The following ADCK1 variants were observed in gnomAD, a reference collection of about 807,000 sequenced individuals.
ADCK1 encodes the protein aarF domain-containing protein kinase 1.
A neutral mutation model predicts 52.3 loss-of-function variants in ADCK1; 41 were observed. The observed-to-expected ratio is 0.78, with a 90% confidence interval of 0.61 to 1.02. The LOEUF is 1.02. Among genes scored for constraint, ADCK1 ranks in the 50% least tolerant of loss-of-function variants. ADCK1 has a pLI of 0.00. For missense variants in ADCK1, 658 were observed against 679.5 expected (o/e 0.97, Z 0.35); for synonymous variants, 250 against 274.6 (o/e 0.91, Z 0.89).
intron 2 of ADCK1, among the ~76,000 whole-genome samples, chr14:77,821,811 G>C (rs897151724): frequency 6.8e-6 from 1 of 147,412 alleles, no homozygotes; most frequent in East Asian, 2.0e-4. Context: ...AACCTGGAAG[G>C]CCGAGCCTGC....
chr14:77,826,516 A>G (rs1016383716), intron 3 of ADCK1, among the ~76,000 whole-genome samples: 7 of 152,154 alleles, frequency 4.6e-5, no homozygotes, highest in Admixed American at 2.0e-4. Flanking sequence ...TAGGCAGCCA[A>G]GGTGGTGGGG....
chr14:77,852,907 A>ATTT (rs71303864), intron 3 of ADCK1, among the ~76,000 whole-genome samples: 3 of 28,956 alleles, frequency 1.0e-4, no homozygotes, highest in African/African-American at 6.7e-4. Flanking sequence ...ATATATATAT[A>ATTT]TTTTTTTTTT....
At chr14:77,826,430 C>T (rs575608546) in intron 3 of ADCK1, among the ~76,000 whole-genome samples, 2 of 152,270 alleles carry the variant, frequency 1.3e-5, no homozygotes, top group Admixed American at 1.3e-4. Flanking sequence ...AGGCTGGGAT[C>T]TCAGTGACTC....
Position 77,901,077 on chromosome 14 carries a change from C to T in ADCK1, c.741+1819C>T, listed in dbSNP as rs190220419. 7.1e-3 allele frequency among the ~76,000 whole-genome samples: 1,059 copies of T among 149,174 alleles called. 15 individuals are homozygous for T. Among genetic ancestry groups the T allele is most frequent in the African/African-American group, 0.025 (1,007 of 40,498 alleles). ...TTTTTTTTTTTGAGACAGAGTCTCGCTCTGTTGCCCAGACTGGAGTGCAGT... is the reference window on the plus strand; with the variant it reads ...TTTTTTTTTTTGAGACAGAGTCTCGTTCTGTTGCCCAGACTGGAGTGCAGT... On this transcript the variant is annotated intron_variant, in intron 6 of 10. Coordinates refer to ENST00000238561, the MANE Select transcript of ADCK1 (RefSeq NM_020421.4).
At chr14:77,834,321 C>T (rs1478809192) in intron 3 of ADCK1, among the ~76,000 whole-genome samples, 1 of 152,102 alleles carries the variant, frequency 6.6e-6, no homozygotes, top group Non-Finnish European at 1.5e-5. Context: ...CCTCTTGTAC[C>T]ACCTTTTGCA....
rs370462855 is a variant in ADCK1 at position 77,925,900 on chromosome 14, C to T, written c.1145C>T (p.Thr382Met). The T allele has an allele frequency of 4.4e-5, 71 of 1,614,086 alleles. No individual in the cohort carries two copies. Among genetic ancestry groups the T allele is most frequent in the Admixed American group, 8.3e-5 (5 of 60,002 alleles). ...DLYPLFACMLTARSWDSVNRG... is the reference protein window; with the variant it reads ...DLYPLFACMLMARSWDSVNRG... ...TACCCCTTGTTTGCCTGCATGCTGA[C>T]GGCGCGATCGTGGGACTCGGTCAAC... is the stretch of plus-strand genomic sequence containing the variant. The change falls in exon 9 of 11, where the codon ACG becomes ATG. Residue 382 changes from threonine (T) to methionine (M), a missense_variant. Coordinates refer to ENST00000238561, the MANE Select transcript of ADCK1 (RefSeq NM_020421.4).
intron 4 of ADCK1, among the ~76,000 whole-genome samples, chr14:77,883,715 G>C (rs1390674547): frequency 5.3e-5 from 8 of 152,094 alleles, no homozygotes; most frequent in Non-Finnish European, 1.0e-4. Context: ...GGTGGGGTGG[G>C]GTGTCTGTGT....
intron 5 of ADCK1, among the ~76,000 whole-genome samples, chr14:77,895,944 ACC>A (rs759012171): frequency 1.5e-4 from 23 of 151,928 alleles, no homozygotes; most frequent in Non-Finnish European, 2.9e-4. Context: ...TATTCAAAGA[ACC>A]CCCTTCATTT....
chr14:77,896,664 G>A (rs2083415690), intron 5 of ADCK1, among the ~76,000 whole-genome samples: 1 of 152,232 alleles, frequency 6.6e-6, no homozygotes, highest in African/African-American at 2.4e-5. Flanking sequence ...TTGATGTCTG[G>A]AGGCTGCGGT....
Position 77,931,522 on chromosome 14 carries a change from T to C in ADCK1, c.1211T>C (p.Leu404Ser), listed in dbSNP as rs766091569. 4.3e-6 allele frequency: 7 copies of C among 1,612,908 alleles called. No homozygotes were observed. The highest frequency in any genetic ancestry group is 1.7e-5 in the Admixed American group (1 of 59,982). The change falls in exon 10 of 11, where the codon TTA becomes TCA. Residue 404 changes from leucine (L) to serine (S), a missense_variant. Physicochemically the swap from Leu to Ser is moderately radical, Grantham distance 145. Transcript: ENST00000238561. Reference sequence around the variant, plus strand: ...GTTGCCCCATTGCTGCTTCAGGACTTAGAGATTCGCAACAACGCGGCCAAC... The same window carrying C: ...GTTGCCCCATTGCTGCTTCAGGACTCAGAGATTCGCAACAACGCGGCCAAC... ...SQAPVTATED[L>S]EIRNNAANYL...
chr14:77,844,908 C>T (rs1045821675), intron 3 of ADCK1, among the ~76,000 whole-genome samples: 2 of 152,328 alleles, frequency 1.3e-5, no homozygotes, highest in Admixed American at 6.5e-5. Flanking sequence ...GGCAAGTCGT[C>T]ACCTGGACTC....
chr14:77,841,125 G>A (rs1425766824), intron 3 of ADCK1, among the ~76,000 whole-genome samples: 1 of 152,184 alleles, frequency 6.6e-6, no homozygotes, highest in African/African-American at 2.4e-5. Flanking sequence ...CTTCCCAAGT[G>A]CAGGGCAGCT....
At chr14:77,870,636 T>C (rs1358888017) in intron 4 of ADCK1, among the ~76,000 whole-genome samples, 1 of 152,200 alleles carries the variant, frequency 6.6e-6, no homozygotes, top group East Asian at 1.9e-4. Context: ...GGTGCCATTT[T>C]TTTCTCCCCT....
At chr14:77,867,973 C>T (rs1210456611) in intron 4 of ADCK1, among the ~76,000 whole-genome samples, 2 of 152,186 alleles carry the variant, frequency 1.3e-5, no homozygotes, top group African/African-American at 4.8e-5. Flanking sequence ...GTGCTTGTTA[C>T]GTGTCGAGTT....
chr14:77,924,891 G>T (rs1258548395), intron 8 of ADCK1, among the ~76,000 whole-genome samples: 3 of 152,342 alleles, frequency 2.0e-5, no homozygotes, highest in Non-Finnish European at 4.4e-5. Flanking sequence ...GGAGCCCCAG[G>T]CCAGCAAGGA....
chr14:77,843,129 T>C (rs1594920476), intron 3 of ADCK1, among the ~76,000 whole-genome samples: 1 of 152,104 alleles, frequency 6.6e-6, no homozygotes, highest in African/African-American at 2.4e-5. Flanking sequence ...TGGCTTCAAG[T>C]GATTCTCCCA....
Position 77,842,629 on chromosome 14 carries a change from C to G in ADCK1, c.220-16447C>G, listed in dbSNP as rs115390576. 3.9e-3 allele frequency among the ~76,000 whole-genome samples: 599 copies of G among 151,720 alleles called. 5 individuals are homozygous for G. The highest frequency in any genetic ancestry group is 0.013 in the African/African-American group (547 of 41,360). On this transcript the variant is annotated intron_variant, in intron 3 of 10. Transcript: ENST00000238561. ...GCTGGAGTGCAGTGGCACAATCTTG[C>G]AATCTCCGTCTCCTGGGTTCAAGCA... is the stretch of plus-strand genomic sequence containing the variant.
Position 77,853,493 on chromosome 14 carries a change from T to A in ADCK1, c.220-5583T>A, listed in dbSNP as rs571100999. On this transcript the variant is annotated intron_variant, in intron 3 of 10. Transcript: ENST00000238561. ...ATTGAGCTTTGTTCTGGGACACAGT[T>A]AAGTTACCTGAAGTAGTTTGCTTTT... Among the ~76,000 whole-genome samples, 10 of 152,330 alleles carry A rather than the reference T, an allele frequency of 6.6e-5. No homozygotes were observed. In the South Asian group the frequency reaches 2.1e-3, roughly 32 times the overall value.
At chr14:77,886,841 AG>A (rs1388047127) in intron 4 of ADCK1, among the ~76,000 whole-genome samples, 1 of 151,972 alleles carries the variant, frequency 6.6e-6, no homozygotes, top group Non-Finnish European at 1.5e-5. Context: ...TGGGGGGCGG[AG>A]GCTGCAGTGA....
Sources: gnomAD v4.1 joint callset for allele counts (sites outside exome capture counted in the v4.1 genomes callset) on GRCh38, gnomAD v4.1.1 for gene constraint, MANE v1.5 for transcripts, NCBI Gene and HGNC (gene_info 2026-07-23, HGNC 2026-07-21) for gene names.